SLC35F3: variants seen among roughly 807,000 people sequenced by gnomAD.
SLC35F3 encodes solute carrier family 35 member F3.
Under a neutral mutation model 49.9 loss-of-function variants are expected in SLC35F3, and 25 were observed. That is an observed-to-expected ratio of 0.50 (90% confidence interval 0.37 to 0.70). The LOEUF is 0.70. Among genes scored for constraint, SLC35F3 ranks in the 30% least tolerant of loss-of-function variants. The pLI is 0.00. For synonymous variants in SLC35F3, 275 were observed against 265.4 expected (o/e 1.04, Z -0.35); for missense variants, 525 against 639.8 (o/e 0.82, Z 1.94).
chr1:234,226,051 C>G (rs1667280531), intron 2 of SLC35F3, among the ~76,000 whole-genome samples: 1 of 152,166 alleles, frequency 6.6e-6, no homozygotes, highest in Non-Finnish European at 1.5e-5. Context: ...GGCACAAGAA[C>G]TCGTTTCGGC....
chr1:234,122,016 T>C (rs1665585025), intron 2 of SLC35F3, among the ~76,000 whole-genome samples: 1 of 152,252 alleles, frequency 6.6e-6, no homozygotes, highest in Non-Finnish European at 1.5e-5. Context: ...TGAATAGTGC[T>C]GCAATAAATA....
intron 3 of SLC35F3, among the ~76,000 whole-genome samples, chr1:234,232,596 T>C (rs1402788172): frequency 6.7e-6 from 1 of 149,488 alleles, no homozygotes; most frequent in Non-Finnish European, 1.5e-5. Flanking sequence ...CAGTAGGCCC[T>C]GGAAACTTTT....
intron 2 of SLC35F3, among the ~76,000 whole-genome samples, chr1:234,019,477 A>G (rs1572021764): frequency 6.6e-6 from 1 of 152,332 alleles, no homozygotes; most frequent in Non-Finnish European, 1.5e-5. Context: ...AGCTCAAGAA[A>G]GAGTCGATGT....
At chr1:233,930,267 C>T (rs935862097) in intron 2 of SLC35F3, among the ~76,000 whole-genome samples, 3 of 152,046 alleles carry the variant, frequency 2.0e-5, no homozygotes, top group East Asian at 1.9e-4. Flanking sequence ...ACCGCAGCCC[C>T]GGATGTAGAG....
At chr1:233,950,335 G>A (rs1035053743) in intron 2 of SLC35F3, among the ~76,000 whole-genome samples, 20 of 129,190 alleles carry the variant, frequency 1.5e-4, no homozygotes, top group African/African-American at 5.0e-4. Context: ...GCAGTGAGCC[G>A]AGATCACGCC....
chr1:234,152,126 G>T (rs1572071413), intron 2 of SLC35F3, among the ~76,000 whole-genome samples: 1 of 148,862 alleles, frequency 6.7e-6, no homozygotes, highest in African/African-American at 2.5e-5. Flanking sequence ...TGACACATAG[G>T]AAAAAAAAGT....
At chr1:233,945,640 G>A (rs1211366490) in intron 2 of SLC35F3, among the ~76,000 whole-genome samples, 1 of 152,196 alleles carries the variant, frequency 6.6e-6, no homozygotes, top group African/African-American at 2.4e-5. Context: ...ATCCCCATGT[G>A]TCAAAGGCAG....
chr1:234,246,919 G>T (rs1413126458), intron 3 of SLC35F3, among the ~76,000 whole-genome samples: 1 of 152,202 alleles, frequency 6.6e-6, no homozygotes, highest in African/African-American at 2.4e-5. Context: ...CGGGGGTAAG[G>T]CCAGACCATG....
rs531497652 is a variant in SLC35F3 at position 234,308,157 on chromosome 1, G to A, written c.609-944G>A. 2.6e-5 allele frequency among the ~76,000 whole-genome samples: 4 copies of A among 152,250 alleles called. No homozygotes were observed. In the South Asian group the frequency reaches 8.3e-4, roughly 32 times the overall value. On this transcript the variant is annotated intron_variant, in intron 3 of 7. Transcript: ENST00000366618. The stretch of plus-strand genomic sequence containing the variant: ...CTAGATAGTGTCTTAGAGAAGTGGG[G>A]CTTCCACATGGTGGAATAGGTACCC...
rs1033241742 is a variant in SLC35F3 at position 234,143,832 on chromosome 1, G to A, written c.284-87585G>A. Among the ~76,000 whole-genome samples, 7 of 152,312 alleles carry A rather than the reference G, an allele frequency of 4.6e-5. No individual in the cohort carries two copies. The East Asian group carries it at 1.4e-3, about 29-fold the overall frequency. ...TGATGTTGCAATGAACATGGGGGTT[G>A]CAGACATTGCTATGAGTTGCTGACT... is the stretch of plus-strand genomic sequence containing the variant. On this transcript the variant is annotated intron_variant, in intron 2 of 7. Coordinates refer to ENST00000366618, the MANE Select transcript of SLC35F3 (RefSeq NM_173508.4).
chr1:234,044,906 T>C (rs1383834755), intron 2 of SLC35F3, among the ~76,000 whole-genome samples: 4 of 152,168 alleles, frequency 2.6e-5, no homozygotes, highest in Non-Finnish European at 5.9e-5. Context: ...CAGAGCCCAG[T>C]CTCTGGAGGC....
intron 7 of SLC35F3, among the ~76,000 whole-genome samples, 181 bp from the exon 8 acceptor site, chr1:234,322,827 G>T (rs763963437): frequency 6.6e-6 from 1 of 152,212 alleles, no homozygotes; most frequent in Non-Finnish European, 1.5e-5. Flanking sequence ...TAAAGTTAAG[G>T]GTTGTTTACT....
intron 2 of SLC35F3, among the ~76,000 whole-genome samples, chr1:234,113,008 C>A (rs923605400): frequency 2.6e-5 from 4 of 151,356 alleles, no homozygotes; most frequent in Non-Finnish European, 5.9e-5. Flanking sequence ...AGTTTGAGAC[C>A]AATGAGCCCA....
At chr1:234,136,240 CTCTT>C (rs1665809323) in intron 2 of SLC35F3, among the ~76,000 whole-genome samples, 1 of 139,006 alleles carries the variant, frequency 7.2e-6, no homozygotes, top group Non-Finnish European at 1.5e-5. Flanking sequence ...CTCCCTTCCT[CTCTT>C]TCTCTTTCTT....
rs113319643 is a variant in SLC35F3, at chr1:234,123,404, A to ATGTTT, written c.284-107996_284-107992dup. On this transcript the variant is annotated intron_variant, in intron 2 of 7. Transcript: ENST00000366618. Reference sequence around the variant, plus strand: ...TCTGGGGCCATAACCAGTGTTAAGCATGTTTTGTTTTGTTTTGTTTTTTGA... The same window carrying ATGTTT: ...TCTGGGGCCATAACCAGTGTTAAGCATGTTTTGTTTTGTTTTGTTTTGTTTTTTGA... Among the ~76,000 whole-genome samples, 672 of 152,082 alleles carry ATGTTT rather than the reference A, an allele frequency of 4.4e-3. 7 individuals are homozygous for ATGTTT. The highest frequency in any genetic ancestry group is 0.015 in the African/African-American group (618 of 41,490).
intron 2 of SLC35F3, among the ~76,000 whole-genome samples, chr1:234,011,710 T>A (rs1301204881): frequency 6.6e-6 from 1 of 152,206 alleles, no homozygotes; most frequent in Non-Finnish European, 1.5e-5. Context: ...ACAGTGGCCC[T>A]AGCCCAAAAT....
intron 3 of SLC35F3, chr1:234,306,576 G>C (rs1194404512): frequency 6.6e-6 from 1 of 152,322 alleles, no homozygotes; most frequent in African/African-American, 2.4e-5. Flanking sequence ...CAATTGTCTT[G>C]GTCTCATTAG....
chr1:234,130,770 G>A (rs1008967075), intron 2 of SLC35F3, among the ~76,000 whole-genome samples: 7 of 152,118 alleles, frequency 4.6e-5, no homozygotes, highest in Non-Finnish European at 1.0e-4. Context: ...GTTTTAAAGT[G>A]TTATTGAAAT....
At chr1:234,232,062 C>T (rs1490841342) in intron 3 of SLC35F3, among the ~76,000 whole-genome samples, 1 of 152,196 alleles carries the variant, frequency 6.6e-6, no homozygotes, top group Non-Finnish European at 1.5e-5. Flanking sequence ...TAGCTCAGTT[C>T]ATCCCTCAGC....
Sources: gnomAD v4.1 joint callset for allele counts (sites outside exome capture counted in the v4.1 genomes callset) on GRCh38, gnomAD v4.1.1 for gene constraint, MANE v1.5 for transcripts, NCBI Gene and HGNC (gene_info 2026-07-23, HGNC 2026-07-21) for gene names.